Variants in GALM observed in about 807,000 individuals in gnomAD.
GALM encodes galactose mutarotase.
In GALM, 43 loss-of-function variants were observed where a neutral mutation model predicts 37.4. That is an observed-to-expected ratio of 1.15 (90% confidence interval 0.90 to 1.48). GALM has a LOEUF of 1.48. Ranked by LOEUF, GALM falls within the 40% of genes most tolerant of loss-of-function variation. The pLI is 0.00. For synonymous variants in GALM, 199 were observed against 170.6 expected, an observed-to-expected ratio of 1.17 and a Z score of -1.30; for missense variants, 456 against 419.1, an observed-to-expected ratio of 1.09 and a Z score of -0.77.
chr2:38,728,686 A>AAAAACAAAACAAAAC (rs70954748), intron 4 of GALM, among the ~76,000 whole-genome samples: 2,197 of 150,718 alleles, frequency 0.015, 32 homozygotes, highest in African/African-American at 0.026. Context: ...CTCCATCTCA[A>AAAAACAAAACAAAAC]AAAACAAAAC....
intron 4 of GALM, among the ~76,000 whole-genome samples, chr2:38,704,701 A>T (rs770323408): frequency 3.3e-5 from 5 of 151,964 alleles, no homozygotes; most frequent in African/African-American, 1.2e-4. Context: ...AAGGCTACAG[A>T]TAAGAAAGTA....
Position 38,731,914 on chromosome 2 carries a change from T to C in GALM, c.951+5T>C, listed in dbSNP as rs1243865232. On this transcript the variant is annotated splice_donor_5th_base_variant and intron_variant, in intron 6 of 6. Coordinates refer to ENST00000272252, the MANE Select transcript of GALM (RefSeq NM_138801.3). ...TGGCCTGATGCAGTCAATCAGGTAA[T>C]GCCACAGGCTGGCTTTTCAGAGTAG... 1.9e-6 allele frequency: 3 copies of C among 1,613,246 alleles called. No homozygotes were observed. Among genetic ancestry groups the C allele is most frequent in the African/African-American group, 1.3e-5 (1 of 74,916 alleles).
intron 4 of GALM, among the ~76,000 whole-genome samples, chr2:38,723,924 TTCTC>T (rs1666431154): frequency 6.6e-6 from 1 of 152,210 alleles, no homozygotes; most frequent in South Asian, 2.1e-4. Flanking sequence ...AATTCTGTGA[TTCTC>T]TCTTTTTTTG....
chr2:38,682,312 A>G (rs1006522364), intron 3 of GALM: 10 of 447,686 alleles, frequency 2.2e-5, no homozygotes, highest in Non-Finnish European at 4.1e-5. Context: ...TCTGTAGATT[A>G]TATCTATTAC....
chr2:38,713,571 G>A (rs148285367), intron 4 of GALM, among the ~76,000 whole-genome samples: 2 of 152,222 alleles, frequency 1.3e-5, no homozygotes, highest in East Asian at 3.9e-4. Context: ...ATTATTCTCA[G>A]GAAAACAGTG....
chr2:38,714,340 G>A (rs1666227123), intron 4 of GALM, among the ~76,000 whole-genome samples: 1 of 151,874 alleles, frequency 6.6e-6, no homozygotes, highest in African/African-American at 2.4e-5. Flanking sequence ...TCAGCCTCCC[G>A]ATTAGCTGGG....
chr2:38,675,662 A>C (rs778689159), intron 1 of GALM, among the ~76,000 whole-genome samples: 1 of 147,338 alleles, frequency 6.8e-6, no homozygotes, highest in South Asian at 2.2e-4. Flanking sequence ...TCCACCTCCC[A>C]GGTTCATGCC....
At chr2:38,706,394 G>T (rs1230409529) in intron 4 of GALM, among the ~76,000 whole-genome samples, 2 of 150,764 alleles carry the variant, frequency 1.3e-5, no homozygotes, top group African/African-American at 4.9e-5. Context: ...CTCACCCCAG[G>T]TTGGGCGTGG....
intron 4 of GALM, among the ~76,000 whole-genome samples, chr2:38,716,417 T>C (rs1310539839): frequency 6.6e-6 from 1 of 152,214 alleles, no homozygotes; most frequent in Admixed American, 6.5e-5. Flanking sequence ...AGATTCCAAA[T>C]GTGCATTTCA....
In GALM at chr2:38,733,594, G is replaced by T; in HGVS notation, c.*29G>T. On this transcript the variant is annotated 3_prime_UTR_variant, in exon 7 of 7. Transcript: ENST00000272252. ...AGTGTGAAGATATGATCCAGTCCAG[G>T]GCTAGGCTCAGCCACCTGTCTCCTG... is the stretch of plus-strand genomic sequence containing the variant. The T allele has an allele frequency of 6.5e-7, 1 of 1,549,940 alleles. No individual in the cohort carries two copies. Among genetic ancestry groups the T allele is most frequent in the Non-Finnish European group, 8.9e-7 (1 of 1,121,892 alleles).
At chr2:38,684,951 C>A (rs1478908101) in intron 3 of GALM, among the ~76,000 whole-genome samples, 1 of 152,140 alleles carries the variant, frequency 6.6e-6, no homozygotes, top group Admixed American at 6.5e-5. Context: ...CCAGGTTCTT[C>A]CAGTTTTCCA....
intron 2 of GALM, among the ~76,000 whole-genome samples, chr2:38,677,803 A>G (rs558842977): frequency 8.4e-4 from 128 of 152,160 alleles, no homozygotes; most frequent in African/African-American, 3.0e-3. Context: ...AAAGAGGGAG[A>G]TGGACTCTTA....
intron 4 of GALM, among the ~76,000 whole-genome samples, chr2:38,717,284 T>C (rs1201006467): frequency 1.3e-5 from 2 of 150,278 alleles, no homozygotes; most frequent in Non-Finnish European, 3.0e-5. Flanking sequence ...CTGTGATTAA[T>C]ACCTGGTCTC....
At chr2:38,709,498 C>T (rs900061811) in intron 4 of GALM, among the ~76,000 whole-genome samples, 1 of 149,646 alleles carries the variant, frequency 6.7e-6, no homozygotes, top group Non-Finnish European at 1.5e-5. Flanking sequence ...CATCCAGAAG[C>T]AATACCCTCC....
intron 1 of GALM, among the ~76,000 whole-genome samples, chr2:38,673,940 CTATG>C (rs1484729315): frequency 6.6e-6 from 1 of 151,424 alleles, no homozygotes; most frequent in African/African-American, 2.4e-5. Context: ...GTGTGATACT[CTATG>C]TAGTATGATT....
intron 4 of GALM, among the ~76,000 whole-genome samples, chr2:38,722,030 T>TTCCCCCC (rs1666385953): frequency 1.9e-4 from 8 of 41,388 alleles, no homozygotes; most frequent in South Asian, 1.8e-3. Context: ...TGCCTTCCCT[T>TTCCCCCC]CCCCCCCCCA....
chr2:38,721,361 G>T (rs1418753120), intron 4 of GALM, among the ~76,000 whole-genome samples: 2 of 152,192 alleles, frequency 1.3e-5, no homozygotes, highest in Non-Finnish European at 2.9e-5. Context: ...AAATGAGGCA[G>T]TTGTAGTGGC....
intron 4 of GALM, among the ~76,000 whole-genome samples, chr2:38,707,739 G>A (rs773452175): frequency 6.6e-6 from 1 of 152,132 alleles, no homozygotes; most frequent in Non-Finnish European, 1.5e-5. Context: ...CCAGTCCTTT[G>A]GGTAGCTGAG....
intron 4 of GALM, among the ~76,000 whole-genome samples, chr2:38,711,194 C>G (rs1666145612): frequency 1.4e-5 from 2 of 141,956 alleles, no homozygotes; most frequent in African/African-American, 5.2e-5. Flanking sequence ...GAGTCTCGCT[C>G]TGTTGCCCAG....
Sources: allele counts gnomAD v4.1 joint callset (sites outside exome capture counted in the v4.1 genomes callset), GRCh38; gene constraint gnomAD v4.1.1; transcripts MANE v1.5; gene names NCBI Gene and HGNC (gene_info 2026-07-23, HGNC 2026-07-21).